ANK3: variants seen among roughly 807,000 people sequenced by gnomAD.
The protein encoded by ANK3 is ankyrin-3.
A neutral mutation model predicts 370.9 loss-of-function variants in ANK3; 57 were observed. The observed-to-expected ratio is 0.15, with a 90% confidence interval of 0.12 to 0.19. The LOEUF is 0.19. Ranked by LOEUF, ANK3 falls within the 10% of genes least tolerant of loss-of-function variation. ANK3 has a pLI of 1.00. For missense variants in ANK3, 4,439 were observed against 5,302.1 expected (o/e 0.84, Z 5.06); for synonymous variants, 1,929 against 1,946.3 (o/e 0.99, Z 0.23).
chr10:60,228,359 C>T (rs771363188), intron 8 of ANK3, among the ~76,000 whole-genome samples: 1 of 151,846 alleles, frequency 6.6e-6, no homozygotes, highest in African/African-American at 2.4e-5. Flanking sequence ...TATGGTGAAA[C>T]CCCGTCTCTA....
chr10:60,667,379 TAAAG>T (rs1331534080), intron 1 of ANK3, among the ~76,000 whole-genome samples: 3 of 151,336 alleles, frequency 2.0e-5, no homozygotes, highest in Non-Finnish European at 4.4e-5. Context: ...TAACTACAAA[TAAAG>T]AAAACCAAAA....
intron 1 of ANK3, among the ~76,000 whole-genome samples, chr10:60,327,804 G>A (rs535697298): frequency 2.0e-5 from 3 of 152,296 alleles, no homozygotes; most frequent in South Asian, 4.1e-4. Flanking sequence ...CAGTTCTCTA[G>A]GGCCACTCAT....
At chr10:60,066,666 T>C (rs1373610376) in intron 38 of ANK3, among the ~76,000 whole-genome samples, 1 of 152,110 alleles carries the variant, frequency 6.6e-6, no homozygotes, top group Non-Finnish European at 1.5e-5. Context: ...CTTCCTATTA[T>C]CTAGTTTCAT....
At chr10:60,057,547 T>G (rs927097147) in intron 41 of ANK3, among the ~76,000 whole-genome samples, 2 of 152,198 alleles carry the variant, frequency 1.3e-5, no homozygotes, top group Non-Finnish European at 2.9e-5. Context: ...ACTGTGAAGA[T>G]CCTGTAACAT....
At position 60,196,232 on chromosome 10, in the gene ANK3, T is replaced by C; in HGVS notation, c.1800A>G (p.Thr600=). Residue 600 remains threonine, a synonymous_variant, in exon 16 of 44, where the codon ACA becomes ACG. Coordinates refer to ENST00000280772, the MANE Select transcript of ANK3 (RefSeq NM_020987.5). Reference sequence around the variant, plus strand: ...CGTAATGTGCAGCTACATGCAGTGGTGTTAGCCCGCTCTGAAAACACGTGC... The same window carrying C: ...CGTAATGTGCAGCTACATGCAGTGGCGTTAGCCCGCTCTGAAAACACGTGC... ...SPDAAGKSGL[T]PLHVAAHYDN... The C allele has an allele frequency of 6.2e-7, 1 of 1,614,004 alleles. No homozygotes were observed. The highest frequency in any genetic ancestry group is 8.5e-7 in the Non-Finnish European group (1 of 1,179,934).
intron 1 of ANK3, among the ~76,000 whole-genome samples, chr10:60,653,305 A>G (rs2078817065): frequency 6.6e-6 from 1 of 152,146 alleles, no homozygotes; most frequent in Non-Finnish European, 1.5e-5. Context: ...TAGGGTTACA[A>G]TACGTTAGGG....
intron 43 of ANK3, among the ~76,000 whole-genome samples, chr10:60,035,187 T>C (rs2074638790): frequency 6.6e-6 from 1 of 152,188 alleles, no homozygotes; most frequent in Non-Finnish European, 1.5e-5. Context: ...TGAGGTACTA[T>C]TATTTTTTCC....
chr10:60,202,866 C>A, intron 12 of ANK3, 136 bp downstream of exon 12: 1 of 582,048 alleles, frequency 1.7e-6, no homozygotes, highest in Non-Finnish European at 2.9e-6. Context: ...ATGATTGCAC[C>A]ACTGTATTCC....
intron 23 of ANK3, among the ~76,000 whole-genome samples, chr10:60,165,913 C>T (rs188634066): frequency 6.6e-6 from 1 of 152,102 alleles, no homozygotes; most frequent in African/African-American, 2.4e-5. Context: ...AATATTTACT[C>T]ACTATAAAAA....
chr10:60,679,856 C>T (rs1451938725), intron 1 of ANK3, among the ~76,000 whole-genome samples: 1 of 152,108 alleles, frequency 6.6e-6, no homozygotes, highest in Admixed American at 6.5e-5. Context: ...TACCCTGGGG[C>T]CCAGCGTGGT....
At chr10:60,127,110 G>A (rs191257422) in intron 25 of ANK3, among the ~76,000 whole-genome samples, 57 of 152,310 alleles carry the variant, frequency 3.7e-4, no homozygotes, top group African/African-American at 1.2e-3. Context: ...AGCTTTGGAC[G>A]TATGTCATCT....
intron 2 of ANK3, among the ~76,000 whole-genome samples, chr10:60,444,102 A>G (rs1397396465): frequency 6.6e-6 from 1 of 152,002 alleles, no homozygotes; most frequent in East Asian, 1.9e-4. Flanking sequence ...TAGCATGGGC[A>G]CTTCTCAGTA....
intron 7 of ANK3, among the ~76,000 whole-genome samples, chr10:60,242,555 C>A (rs1364869784): frequency 6.6e-6 from 1 of 152,106 alleles, no homozygotes; most frequent in Admixed American, 6.5e-5. Context: ...TAGTGGGAAG[C>A]ACATTTCATC....
At chr10:60,062,780 T>A (rs916529677) in intron 40 of ANK3, 6 of 176,394 alleles carry the variant, frequency 3.4e-5, no homozygotes, top group African/African-American at 1.4e-4. Context: ...GGTAACTAGT[T>A]TAGGAGGGTT....
intron 42 of ANK3, among the ~76,000 whole-genome samples, chr10:60,054,238 T>C (rs1007310828): frequency 2.0e-5 from 3 of 152,214 alleles, no homozygotes; most frequent in African/African-American, 7.2e-5. Context: ...CTTCTCTCTA[T>C]ATTTTGTGGG....
chr10:60,265,597 C>G (rs1445184504), intron 5 of ANK3, among the ~76,000 whole-genome samples: 2 of 152,006 alleles, frequency 1.3e-5, no homozygotes. Flanking sequence ...AGAGAACTGG[C>G]ATGCAAGTTA....
rs1340507423 is a variant in ANK3, at chr10:60,469,028, AGT to A, written c.96+146156_96+146157del. 1.0e-2 allele frequency among the ~76,000 whole-genome samples: 218 copies of A among 21,862 alleles called. 13 individuals are homozygous for A. Among genetic ancestry groups the A allele is most frequent in the South Asian group, 0.022 (8 of 364 alleles). The allele number at this position is 21,862 out of a possible 152,430, so 14.3% of individuals were successfully genotyped here. ...ATATATATATATATATACCACTTTT[AGT>A]GTATATATATATATATATATATATA... On this transcript the variant is annotated intron_variant, in intron 2 of 43. Coordinates refer to the ANK3 transcript ENST00000373827.
rs761026357 is a variant in ANK3 at position 60,186,771 on chromosome 10, C to T, written c.2029G>A (p.Val677Met). The T allele has an allele frequency of 6.8e-6, 11 of 1,614,032 alleles. No homozygotes were observed. Among genetic ancestry groups the T allele is most frequent in the Non-Finnish European group, 9.3e-6 (11 of 1,180,022 alleles). Residue 677 changes from valine to methionine, a missense_variant, in exon 17 of 44, where the codon GTG (valine) becomes ATG (methionine). Transcript: ENST00000280772. Reference protein sequence around the residue: ...SVHLAAQEGHVDMVSLLLGRN... With the variant: ...SVHLAAQEGHMDMVSLLLGRN... ...CCGAGGAGCAGCGACACCATGTCCACGTGCCCTTCCTGAGCTGCGAGATGG... is the reference window on the plus strand; with the variant it reads ...CCGAGGAGCAGCGACACCATGTCCATGTGCCCTTCCTGAGCTGCGAGATGG...
intron 2 of ANK3, among the ~76,000 whole-genome samples, chr10:60,609,606 G>A (rs2078175804): frequency 1.3e-5 from 2 of 151,672 alleles, no homozygotes; most frequent in Admixed American, 1.3e-4. Flanking sequence ...AAAACAGTGA[G>A]ATAATATGAC....
Sources: allele counts gnomAD v4.1 joint callset (sites outside exome capture counted in the v4.1 genomes callset), GRCh38; gene constraint gnomAD v4.1.1; transcripts MANE v1.5; gene names NCBI Gene and HGNC (gene_info 2026-07-23, HGNC 2026-07-21).